Variants in DAB2IP observed in about 807,000 individuals in gnomAD.
The protein encoded by DAB2IP is disabled homolog 2-interacting protein.
In DAB2IP, 28 loss-of-function variants were observed where a neutral mutation model predicts 107.2. The ratio of observed to expected loss-of-function variants is 0.26; its 90% CI spans 0.19 to 0.36. The LOEUF (loss-of-function observed/expected upper bound fraction) is 0.36. Ranked by LOEUF, DAB2IP falls within the 10% of genes least tolerant of loss-of-function variation. DAB2IP has a pLI of 1.00. For synonymous variants in DAB2IP, 755 were observed against 706.4 expected (o/e 1.07, Z -1.09); for missense variants, 1,400 against 1,644.7 (o/e 0.85, Z 2.57).
intron 1 of DAB2IP, among the ~76,000 whole-genome samples, chr9:121,669,779 T>C (rs566806511): frequency 6.6e-6 from 1 of 152,340 alleles, no homozygotes; most frequent in East Asian, 1.9e-4. Flanking sequence ...AGTGACCTTG[T>C]TTTGTCTCAC....
intron 2 of DAB2IP, among the ~76,000 whole-genome samples, chr9:121,682,523 A>T (rs1228300366): frequency 6.6e-6 from 1 of 152,028 alleles, no homozygotes; most frequent in Non-Finnish European, 1.5e-5. Context: ...ACACCATCAC[A>T]TGCCACCCCT....
chr9:121,642,029 C>CTCTCTTTCTCTCTTTCTTTCTTTCTT, intron 1 of DAB2IP, among the ~76,000 whole-genome samples: 1 of 26,728 alleles, frequency 3.7e-5, no homozygotes, highest in South Asian at 1.6e-3. Flanking sequence ...CTCTCTCTCT[C>CTCTCTTTCTCTCTTTCTTTCTTTCTT]TCTTTCTTTC....
At chr9:121,612,590 G>T (rs1831133324) in intron 1 of DAB2IP, among the ~76,000 whole-genome samples, 1 of 152,172 alleles carries the variant, frequency 6.6e-6, no homozygotes, top group South Asian at 2.1e-4. Flanking sequence ...GGTAAAGGTG[G>T]GGCAGGGCGG....
At chr9:121,752,075 C>T (rs894962244) in intron 3 of DAB2IP, 2 of 970,714 alleles carry the variant, frequency 2.1e-6, no homozygotes, top group Non-Finnish European at 2.4e-6. Context: ...GAGCAGTGTG[C>T]AGCCACAGAG....
chr9:121,716,293 G>C (rs1055291287), intron 3 of DAB2IP, among the ~76,000 whole-genome samples: 1 of 152,232 alleles, frequency 6.6e-6, no homozygotes, highest in Non-Finnish European at 1.5e-5. Context: ...TGTGCCCATA[G>C]GGCCACATGT....
At chr9:121,688,351 A>G (rs138630957) in intron 2 of DAB2IP, among the ~76,000 whole-genome samples, 1 of 152,280 alleles carries the variant, frequency 6.6e-6, no homozygotes, top group African/African-American at 2.4e-5. Flanking sequence ...GGGATGAGTA[A>G]CTTCTCCTGT....
intron 8 of DAB2IP, among the ~76,000 whole-genome samples, chr9:121,764,113 G>A (rs1053623746): frequency 1.3e-5 from 2 of 152,228 alleles, no homozygotes; most frequent in Non-Finnish European, 2.9e-5. Context: ...ATGAGGGAGC[G>A]CCCTTCATGT....
intron 3 of DAB2IP, among the ~76,000 whole-genome samples, chr9:121,718,451 G>A (rs562554994): frequency 1.2e-4 from 18 of 152,246 alleles, no homozygotes; most frequent in Non-Finnish European, 2.4e-4. Flanking sequence ...AACAAAACCC[G>A]ACTTCGAGGT....
chr9:121,737,457 T>C, intron 3 of DAB2IP: 1 of 985,450 alleles, frequency 1.0e-6, no homozygotes, highest in Non-Finnish European at 1.2e-6. Context: ...CCTCCTAGGC[T>C]CACCTCTTAG....
intron 3 of DAB2IP, chr9:121,737,847 A>C (rs1589611658): frequency 1.1e-6 from 1 of 929,960 alleles, no homozygotes; most frequent in Non-Finnish European, 1.3e-6. Context: ...TGTTTCTCCA[A>C]TGAGGCCTGG....
At chr9:121,708,491 G>A (rs1174207681) in intron 3 of DAB2IP, among the ~76,000 whole-genome samples, 1 of 152,228 alleles carries the variant, frequency 6.6e-6, no homozygotes, top group East Asian at 1.9e-4. Context: ...TCCTGAGGGT[G>A]CTTGGAACAG....
At chr9:121,721,247 G>A (rs1297771636) in intron 3 of DAB2IP, among the ~76,000 whole-genome samples, 1 of 152,210 alleles carries the variant, frequency 6.6e-6, no homozygotes, top group East Asian at 1.9e-4. Context: ...GTGTCTTGCT[G>A]CAGGTGTGCC....
intron 3 of DAB2IP, among the ~76,000 whole-genome samples, chr9:121,725,712 G>T (rs1331105347): frequency 6.6e-6 from 1 of 152,182 alleles, no homozygotes; most frequent in African/African-American, 2.4e-5. Context: ...TGAAGGTGAA[G>T]GTTCCCTTGA....
chr9:121,662,838 T>A lies in DAB2IP; in HGVS notation c.124+10939T>A, dbSNP rs1306641646. Among the ~76,000 whole-genome samples the A allele has an allele frequency of 6.6e-6, 1 of 152,204 alleles. No homozygotes were observed. The highest frequency in any genetic ancestry group is 1.5e-5 in the Non-Finnish European group (1 of 68,042). On this transcript the variant is annotated intron_variant, in intron 1 of 15. Transcript: ENST00000408936. This position sits in a 1 kb window ranked among gnomAD's most constrained non-coding sequence, Gnocchi z 4.6. ...CACATATGGACACCCTGAGACCTCC[T>A]TAGTTTCCTGAACTCCAGCAGCACA...
At chr9:121,591,645 C>T (rs1483537479) in intron 1 of DAB2IP, among the ~76,000 whole-genome samples, 1 of 152,186 alleles carries the variant, frequency 6.6e-6, no homozygotes, top group African/African-American at 2.4e-5. Flanking sequence ...TAGGGACCCA[C>T]ATGGAGAGGG....
chr9:121,695,168 A>T (rs985858345), intron 2 of DAB2IP, among the ~76,000 whole-genome samples: 3 of 152,052 alleles, frequency 2.0e-5, no homozygotes, highest in African/African-American at 7.2e-5. Context: ...AGAGTTCAAA[A>T]CTACCAAACT....
chr9:121,606,091 C>T (rs1482370136), intron 1 of DAB2IP, among the ~76,000 whole-genome samples: 2 of 152,142 alleles, frequency 1.3e-5, no homozygotes, highest in African/African-American at 4.8e-5. Context: ...GCCTGTGATC[C>T]CAGCAGTTTG....
intron 1 of DAB2IP, among the ~76,000 whole-genome samples, chr9:121,636,962 G>T (rs1026706635): frequency 1.3e-5 from 2 of 152,146 alleles, no homozygotes; most frequent in Non-Finnish European, 2.9e-5. Context: ...AACCCCCAGG[G>T]GTAGGATTTA....
chr9:121,671,979 G>T (rs1269932833), intron 1 of DAB2IP, among the ~76,000 whole-genome samples: 5 of 152,214 alleles, frequency 3.3e-5, no homozygotes, highest in African/African-American at 1.2e-4. Flanking sequence ...CATATGTGTT[G>T]TCGGTTCCTA....
Sources: allele counts gnomAD v4.1 joint callset (sites outside exome capture counted in the v4.1 genomes callset), GRCh38; gene constraint gnomAD v4.1.1; non-coding constraint Gnocchi (gnomAD v3.1); transcripts MANE v1.5; gene names NCBI Gene and HGNC (gene_info 2026-07-23, HGNC 2026-07-21).